MLPH: variants seen among roughly 807,000 people sequenced by gnomAD.
MLPH encodes the protein exophilin-3.
A neutral mutation model predicts 72.1 loss-of-function variants in MLPH; 51 were observed. The ratio of observed to expected loss-of-function variants is 0.71; its 90% CI spans 0.56 to 0.89. The LOEUF (loss-of-function observed/expected upper bound fraction) is 0.89, where lower values mean the gene tolerates loss of function less well. MLPH is among the 40% of genes least tolerant of loss of function. The probability of loss-of-function intolerance (pLI) is 0.00; values close to 1 mark genes in which losing one functional copy is unlikely to be tolerated. For synonymous variants in MLPH, 301 were observed against 310.1 expected, an observed-to-expected ratio of 0.97 and a Z score of 0.31; for missense variants, 743 against 759.9, an observed-to-expected ratio of 0.98 and a Z score of 0.26.
intron 12 of MLPH, 80 bp downstream of exon 12, chr2:237,542,739 ACAGTGGTGAGTGGAG>A (rs2080727601): frequency 3.6e-6 from 2 of 552,904 alleles, no homozygotes; most frequent in South Asian, 1.7e-5. Flanking sequence ...TGAGTGGGGG[ACAGTGGTGAGTGGAG>A]GGACAGTGGT....
rs1466275577 is a variant in MLPH at position 237,493,510 on chromosome 2, C to A, written c.84C>A (p.Leu28=). 1.2e-6 allele frequency: 2 copies of A among 1,613,894 alleles called. No homozygotes were observed. Among genetic ancestry groups the A allele is most frequent in the Non-Finnish European group, 1.7e-6 (2 of 1,179,848 alleles). The change falls in exon 2 of 16, where the codon CTC becomes CTA. Residue 28 remains leucine, a synonymous_variant. Transcript: ENST00000264605. ...VLEVVQRDFD[L]RRKEEERLEA... ...AAGTTGTTCAACGAGATTTTGACCT[C>A]CGAAGGAAAGAAGAGGAACGGCTAG...
intron 8 of MLPH, among the ~76,000 whole-genome samples, chr2:237,533,806 A>G (rs926033727): frequency 6.6e-6 from 1 of 152,076 alleles, no homozygotes; most frequent in Non-Finnish European, 1.5e-5. Flanking sequence ...CCTGGTGTTG[A>G]CATTTCTCAG....
At chr2:237,517,729 GTGGATGGA>G (rs58864368) in intron 4 of MLPH, among the ~76,000 whole-genome samples, 36,635 of 134,410 alleles carry the variant, frequency 0.27, 6,556 homozygotes, top group African/African-American at 0.54. Context: ...AAGTAAGTGG[GTGGATGGA>G]TGGATGGATG....
At chr2:237,530,705 C>T (rs1157035324) in intron 8 of MLPH, among the ~76,000 whole-genome samples, 1 of 152,218 alleles carries the variant, frequency 6.6e-6, no homozygotes, top group Non-Finnish European at 1.5e-5. Flanking sequence ...GGCCGCGTCA[C>T]CCATTGGGGC....
chr2:237,503,160 G>T (rs1490481993), intron 2 of MLPH, among the ~76,000 whole-genome samples: 15 of 151,944 alleles, frequency 9.9e-5, no homozygotes, highest in African/African-American at 2.9e-4. Context: ...CCATTTTTTT[G>T]ATCATAAGGA....
Position 237,519,567 on chromosome 2 carries a change from G to A in MLPH, c.556-343G>A, listed in dbSNP as rs558027576. Among the ~76,000 whole-genome samples, 15 of 152,274 alleles carry A rather than the reference G, an allele frequency of 9.9e-5. 1 individual carries two copies. In the South Asian group the frequency reaches 2.9e-3, roughly 30 times the overall value. On this transcript the variant is annotated intron_variant, in intron 5 of 15. Transcript: ENST00000264605. ...CGGCTATCCGAAGCCCCAGGGACCC[G>A]CCCCTCTCCCAGCCCTGGAACAGCT...
chr2:237,500,427 T>C (rs1214835547), intron 2 of MLPH, among the ~76,000 whole-genome samples: 1 of 152,182 alleles, frequency 6.6e-6, no homozygotes, highest in East Asian at 1.9e-4. Context: ...CTAATGCAAC[T>C]GGGGAAAAAA....
rs1047974593 is a variant in MLPH at position 237,505,561 on chromosome 2, G to A, written c.111-5013G>A. 3.3e-5 allele frequency among the ~76,000 whole-genome samples: 5 copies of A among 152,112 alleles called. No homozygotes were observed. Among genetic ancestry groups the A allele is most frequent in the African/African-American group, 1.2e-4 (5 of 41,408 alleles). ...GCCTTCAGGGGTGGCCACCAGCCCC[G>A]CCATCCTGGGCTCTCCCCAGTATTC... On this transcript the variant is annotated intron_variant, in intron 2 of 15. Coordinates refer to ENST00000264605, the MANE Select transcript of MLPH (RefSeq NM_024101.7). This position sits in a 1 kb window ranked among gnomAD's most constrained non-coding sequence, Gnocchi z 4.5.
intron 9 of MLPH, among the ~76,000 whole-genome samples, chr2:237,538,252 T>C (rs2080581800): frequency 6.6e-6 from 1 of 152,182 alleles, no homozygotes; most frequent in Non-Finnish European, 1.5e-5. Context: ...CTGCGTCTGC[T>C]GAAGGGAACT....
In MLPH at chr2:237,542,639, C is replaced by A. The variant is rs143701698; in HGVS notation, c.1519C>A (p.Arg507=). ...CACGGTGAAGCCCTCGGGAAAGCCC[C>A]GGAGGAAGTCAAACCTCCCGGTGAG... The part of the protein sequence containing the change: ...GLTVKPSGKP[R]RKSNLPIFLP... The change falls in exon 12 of 16, where the codon CGG becomes AGG. Residue 507 remains arginine, a synonymous_variant. Transcript: ENST00000264605. The A allele has an allele frequency of 1.3e-6, 2 of 1,587,878 alleles. No homozygotes were observed. The highest frequency in any genetic ancestry group is 1.7e-6 in the Non-Finnish European group (2 of 1,168,304).
chr2:237,495,434 G>A (rs949272833), intron 2 of MLPH, among the ~76,000 whole-genome samples: 20 of 152,212 alleles, frequency 1.3e-4, no homozygotes, highest in Admixed American at 1.2e-3. Flanking sequence ...AGACCGCACT[G>A]GAAGGGAATT....
chr2:237,532,814 C>T (rs1332659001), intron 8 of MLPH, among the ~76,000 whole-genome samples: 1 of 152,216 alleles, frequency 6.6e-6, no homozygotes. Flanking sequence ...GAAATCTTTT[C>T]ATTACCCAGA....
At chr2:237,491,692 T>C (rs1426582688) in intron 1 of MLPH, among the ~76,000 whole-genome samples, 1 of 152,224 alleles carries the variant, frequency 6.6e-6, no homozygotes, top group Non-Finnish European at 1.5e-5. Flanking sequence ...TGTCCCAGTG[T>C]GCATGCATTG....
intron 12 of MLPH, among the ~76,000 whole-genome samples, chr2:237,544,451 G>T (rs2080836040): frequency 1.9e-5 from 1 of 52,282 alleles, no homozygotes; most frequent in Non-Finnish European, 3.1e-5. Context: ...GGTAGTGAGT[G>T]GGGGGACAGT....
At chr2:237,500,412 T>A (rs1044145723) in intron 2 of MLPH, among the ~76,000 whole-genome samples, 25 of 152,356 alleles carry the variant, frequency 1.6e-4, no homozygotes, top group African/African-American at 4.3e-4. Flanking sequence ...GCACCAGAAG[T>A]GTGGCTAATG....
At chr2:237,503,616 CT>C (rs2079700316) in intron 2 of MLPH, among the ~76,000 whole-genome samples, 1 of 152,156 alleles carries the variant, frequency 6.6e-6, no homozygotes, top group Non-Finnish European at 1.5e-5. Flanking sequence ...CTCACTGGAT[CT>C]TTTGTGCTCC....
At chr2:237,545,989 G>T (rs1190599737) in intron 12 of MLPH, among the ~76,000 whole-genome samples, 2 of 152,158 alleles carry the variant, frequency 1.3e-5, no homozygotes, top group African/African-American at 4.8e-5. Context: ...TAAAACTTGT[G>T]CCCGAGGTGG....
chr2:237,548,866 G>A (rs1399712664), intron 13 of MLPH, among the ~76,000 whole-genome samples: 4 of 152,146 alleles, frequency 2.6e-5, no homozygotes, highest in East Asian at 1.9e-4. Flanking sequence ...GTGACAGAGC[G>A]AGACTCCATC....
rs931760812 is a variant in MLPH, at chr2:237,548,139, G to A, written c.1618-1082G>A. Reference sequence around the variant, plus strand: ...CCAGCCGGCTCAGGGCAGGGGGTGAGCTTGATCAAGATCACAGACAGGAAG... The same window carrying A: ...CCAGCCGGCTCAGGGCAGGGGGTGAACTTGATCAAGATCACAGACAGGAAG... On this transcript the variant is annotated intron_variant, in intron 13 of 15. Transcript: ENST00000264605. Among the ~76,000 whole-genome samples, 9 of 152,216 alleles carry A rather than the reference G, an allele frequency of 5.9e-5. No individual in the cohort carries two copies. The South Asian group carries it at 8.3e-4, about 14-fold the overall frequency.
Sources: allele counts gnomAD v4.1 joint callset (sites outside exome capture counted in the v4.1 genomes callset), GRCh38; gene constraint gnomAD v4.1.1; non-coding constraint Gnocchi (gnomAD v3.1); transcripts MANE v1.5; gene names NCBI Gene and HGNC (gene_info 2026-07-23, HGNC 2026-07-21).